TPM1: variants seen among roughly 807,000 people sequenced by gnomAD.
The protein encoded by TPM1 is tropomyosin 1, also known as tropomyosin alpha-1 chain.
Under a neutral mutation model 42.9 loss-of-function variants are expected in TPM1, and 24 were observed. The ratio of observed to expected loss-of-function variants is 0.56; its 90% CI spans 0.41 to 0.79. TPM1 has a LOEUF of 0.79. TPM1 is among the 30% of genes least tolerant of loss of function. The probability of loss-of-function intolerance (pLI) is 0.00; values close to 1 mark genes in which losing one functional copy is unlikely to be tolerated. For synonymous variants in TPM1, 136 were observed against 130.1 expected, an observed-to-expected ratio of 1.05 and a Z score of -0.31; for missense variants, 158 against 351.8, an observed-to-expected ratio of 0.45 and a Z score of 4.41.
At position 63,048,003 on chromosome 15, in the gene TPM1, G is replaced by A. The variant is rs1282719330; in HGVS notation, c.240+3851G>A. The A allele has an allele frequency of 8.4e-5, 25 of 296,214 alleles. 1 individual carries two copies. Among genetic ancestry groups the A allele is most frequent in the South Asian group, 6.3e-4 (25 of 39,978 alleles). The allele number at this position is 296,214 out of a possible 1,614,324, so 18.3% of individuals were successfully genotyped here. On this transcript the variant is annotated intron_variant, in intron 2 of 9. Transcript: ENST00000403994. ...ACTTCGTGAAGTTTTGGGGAATGGG[G>A]GTAGTGCTTGGGTTATAATCTTGCG...
At position 63,065,896 on chromosome 15, in the gene TPM1, A is replaced by T. The variant is rs759481997; in HGVS notation, c.852A>T (p.Ile284=). 1.2e-5 allele frequency: 20 copies of T among 1,603,140 alleles called. No homozygotes were observed. The highest frequency in any genetic ancestry group is 1.5e-5 in the Non-Finnish European group (18 of 1,177,536). ...CTCCCACCTTTTTATCTTCACGCAG[A>T]TAAGTTTCTTTGCTTCACTTCTCCC... ...LDHALNDMTS[I] Residue 284 remains isoleucine (I), a splice_region_variant and synonymous_variant, in exon 10 of 10, where the codon ATA becomes ATT. Transcript: ENST00000403994.
intron 2 of TPM1, chr15:63,048,849 G>C (rs1386506678): frequency 1.2e-5 from 14 of 1,161,500 alleles, no homozygotes; most frequent in African/African-American, 1.6e-5. Flanking sequence ...ACCTGGGCCA[G>C]CTGGCGGCGG....
At chr15:63,054,956 T>C (rs903289351) in intron 2 of TPM1, among the ~76,000 whole-genome samples, 3 of 151,648 alleles carry the variant, frequency 2.0e-5, no homozygotes, top group Non-Finnish European at 4.4e-5. Context: ...AATGAAAATA[T>C]AGAAAAGTGA....
intron 2 of TPM1, among the ~76,000 whole-genome samples, chr15:63,049,719 C>T (rs781464397): frequency 6.6e-6 from 1 of 152,080 alleles, no homozygotes; most frequent in Non-Finnish European, 1.5e-5. Context: ...AACTTCAAGA[C>T]CTGAAATGGT....
At chr15:63,053,113 G>C (rs1312290804) in intron 2 of TPM1, among the ~76,000 whole-genome samples, 1 of 152,194 alleles carries the variant, frequency 6.6e-6, no homozygotes, top group African/African-American at 2.4e-5. Flanking sequence ...CTGGGCTAGG[G>C]AGTAAATGTT....
downstream of TPM1, chr15:63,070,122 A>T: frequency 6.8e-7 from 1 of 1,473,834 alleles, no homozygotes; most frequent in Non-Finnish European, 9.0e-7. Flanking sequence ...TGGCTGGAAT[A>T]ATTACGTTCT....
chr15:63,064,387 CAGTGA>C, intron 9 of TPM1: 1 of 1,373,854 alleles, frequency 7.3e-7, no homozygotes, highest in Non-Finnish European at 9.4e-7. Context: ...TGAACTAGAG[CAGTGA>C]ACTAGAATGA....
intron 2 of TPM1, chr15:63,046,350 C>T (rs139219852): frequency 3.9e-5 from 6 of 152,262 alleles, no homozygotes; most frequent in African/African-American, 1.4e-4. Flanking sequence ...GAGGAAGAGA[C>T]AGATGTCACT....
At chr15:63,060,993 T>C (rs2035543486) in intron 5 of TPM1, 54 bp downstream of exon 5, 4 of 1,600,730 alleles carry the variant, frequency 2.5e-6, no homozygotes, top group Non-Finnish European at 3.4e-6. Context: ...GAGCAGTGAC[T>C]AAACAGCATG....
At chr15:63,069,274 C>CTGTAT (rs1484819618), downstream of TPM1, among the ~76,000 whole-genome samples, 9 of 152,296 alleles carry the variant, frequency 5.9e-5, no homozygotes, top group East Asian at 1.7e-3. Context: ...AATGTGTACC[C>CTGTAT]TGTATTGTGG....
At position 63,048,432 on chromosome 15, in the gene TPM1, C is replaced by A. The variant is rs995979260; in HGVS notation, c.240+4280C>A. The A allele has an allele frequency of 7.4e-6, 10 of 1,351,286 alleles. No individual in the cohort carries two copies. The African/African-American group carries it at 1.2e-4, about 17-fold the overall frequency. 83.7% of individuals were successfully genotyped at this position (1,351,286 alleles called of 1,614,324 possible). ...CTGCGACTTCCGGACTGCTCCTGGC[C>A]GCAGGGGGCGCCGCCATCGCACAGA... On this transcript the variant is annotated intron_variant, in intron 2 of 9. Transcript: ENST00000403994.
intron 2 of TPM1, chr15:63,048,869 AG>A: frequency 1.1e-6 from 1 of 914,660 alleles, no homozygotes; most frequent in Non-Finnish European, 1.7e-6. Context: ...GGCTCTGGGG[AG>A]GGGCCCGGCC....
At chr15:63,056,704 G>T (rs979058621) in intron 2 of TPM1, 3 of 427,740 alleles carry the variant, frequency 7.0e-6, no homozygotes, top group Non-Finnish European at 1.3e-5. Flanking sequence ...ATCTACGGAA[G>T]AAAGGAACCA....
intron 2 of TPM1, among the ~76,000 whole-genome samples, chr15:63,050,276 T>C (rs774384255): frequency 2.9e-4 from 44 of 152,184 alleles, no homozygotes; most frequent in Non-Finnish European, 1.5e-5. Context: ...AACACTTCAT[T>C]TACTGCTTTT....
exon 9 of TPM1, chr15:63,071,435 A>G (rs1257619972): frequency 2.4e-6 from 1 of 423,346 alleles, no homozygotes; most frequent in Non-Finnish European, 4.5e-6. Context: ...TAGTCAGCGT[A>G]GGAATCCTCA....
intron 6 of TPM1, 185 bp from the exon 7 acceptor site, chr15:63,062,029 AT>A (rs2035704887): frequency 5.7e-6 from 4 of 695,714 alleles, no homozygotes; most frequent in South Asian, 5.0e-5. Context: ...TCTTGTTGTT[AT>A]CCCATGTAAA....
intron 5 of TPM1, chr15:63,061,406 T>C: frequency 1.1e-6 from 1 of 891,314 alleles, no homozygotes; most frequent in Non-Finnish European, 1.8e-6. Flanking sequence ...TTGCCTTAAG[T>C]GCTTTCCCTT....
chr15:63,062,493 A>G, intron 7 of TPM1, 83 bp from the exon 8 acceptor site: 1 of 1,520,280 alleles, frequency 6.6e-7, no homozygotes, highest in Non-Finnish European at 9.1e-7. Context: ...GATGTGCTTC[A>G]TTTTCATCCT....
At chr15:63,071,294 C>T in exon 9 of TPM1, 2 of 1,137,374 alleles carry the variant, frequency 1.8e-6, no homozygotes, top group Non-Finnish European at 2.6e-6. Context: ...CACAAGATAC[C>T]AGCTAGGTCA....
Sources: gnomAD v4.1 joint callset for allele counts (sites outside exome capture counted in the v4.1 genomes callset) on GRCh38, gnomAD v4.1.1 for gene constraint, MANE v1.5 for transcripts, NCBI Gene and HGNC (gene_info 2026-07-23, HGNC 2026-07-21) for gene names.